Variants in WDR18 observed in about 807,000 individuals in gnomAD.
The protein encoded by WDR18 is WD repeat domain 18.
In WDR18, 33 loss-of-function variants were observed where a neutral mutation model predicts 49.6. The ratio of observed to expected loss-of-function variants is 0.67; its 90% CI spans 0.50 to 0.89. The LOEUF is 0.89. Ranked by LOEUF, WDR18 falls within the 40% of genes least tolerant of loss-of-function variation. The pLI is 0.00. For missense variants in WDR18, 653 were observed against 593.6 expected (o/e 1.10, Z -1.04); for synonymous variants, 315 against 263.6 (o/e 1.19, Z -1.89).
At chr19:986,397 G>T (rs1372148426) in intron 2 of WDR18, among the ~76,000 whole-genome samples, 7 of 152,202 alleles carry the variant, frequency 4.6e-5, no homozygotes, top group Non-Finnish European at 7.3e-5. Flanking sequence ...AGTCTCCTGA[G>T]TAGCTGGGAT....
At chr19:986,249 TA>T (rs2038473567) in intron 2 of WDR18, among the ~76,000 whole-genome samples, 1 of 152,202 alleles carries the variant, frequency 6.6e-6, no homozygotes, top group Non-Finnish European at 1.5e-5. Context: ...CTTCCAGGGC[TA>T]GCGGGCATCT....
At position 991,980 on chromosome 19, in the gene WDR18, G is replaced by T. The variant is rs375221453; in HGVS notation, c.957G>T (p.Leu319=). 5.6e-5 allele frequency: 89 copies of T among 1,594,382 alleles called. No individual in the cohort carries two copies. The highest frequency in any genetic ancestry group is 5.0e-4 in the African/African-American group (37 of 73,430). Residue 319 remains leucine (L), a synonymous_variant, in exon 8 of 10, where the codon CTG becomes CTT. Coordinates refer to ENST00000585809, the MANE Select transcript of WDR18 (RefSeq NM_024100.4). ...GCCCAGTCACCAATGCCGCCATCCT[G>T]CTGGCGCCCGTCAGCATGCTGAGCT... The part of the protein sequence containing the change: ...LKGPVTNAAI[L]LAPVSMLSSD...
chr19:994,368 C>T lies in WDR18; in HGVS notation c.*24C>T, dbSNP rs759696981. 21 of 1,592,458 alleles carry T rather than the reference C, an allele frequency of 1.3e-5. No individual in the cohort carries two copies. Among genetic ancestry groups the T allele is most frequent in the Non-Finnish European group, 1.8e-5 (21 of 1,171,976 alleles). ...GAGGCCCGGAGACCCCGGCCCGAGG[C>T]GCCCAGGCCTGAGCCCCATGCCTCC... is the stretch of plus-strand genomic sequence containing the variant. On this transcript the variant is annotated 3_prime_UTR_variant, in exon 10 of 10. Transcript: ENST00000585809.
intron 7 of WDR18, 82 bp from the exon 8 acceptor site, chr19:991,873 G>A: frequency 3.7e-6 from 5 of 1,366,070 alleles, no homozygotes; most frequent in Non-Finnish European, 4.7e-6. Flanking sequence ...GGCGGGGACT[G>A]CCCTGGATGG....
intron 8 of WDR18, 54 bp from the exon 9 acceptor site, chr19:993,966 C>T: frequency 3.3e-6 from 5 of 1,538,130 alleles, no homozygotes; most frequent in East Asian, 2.4e-5. Flanking sequence ...ATGGGCAAAG[C>T]GTGTGGTGTG....
upstream of WDR18, among the ~76,000 whole-genome samples, chr19:982,950 C>G (rs1033034355): frequency 6.6e-6 from 1 of 152,142 alleles, no homozygotes; most frequent in Non-Finnish European, 1.5e-5. Flanking sequence ...CCGTGCCCTC[C>G]GCCGGGAGCC....
intron 8 of WDR18, among the ~76,000 whole-genome samples, chr19:993,476 C>T (rs2038587230): frequency 6.6e-6 from 1 of 152,266 alleles, no homozygotes; most frequent in African/African-American, 2.4e-5. Flanking sequence ...ATCCAGCTGA[C>T]ACTGGAATGT....
chr19:988,886 T>C (rs1027671032), intron 2 of WDR18, among the ~76,000 whole-genome samples: 2 of 152,216 alleles, frequency 1.3e-5, no homozygotes, highest in East Asian at 1.9e-4. Flanking sequence ...TCTTAACTTA[T>C]GATATGTGCA....
chr19:987,829 GTTTT>G (rs71174337), intron 2 of WDR18, among the ~76,000 whole-genome samples: 7 of 91,806 alleles, frequency 7.6e-5, no homozygotes, highest in South Asian at 9.0e-4. Flanking sequence ...GCCGCCTCCA[GTTTT>G]TTTTTTTTTT....
At chr19:984,319 T>A, upstream of WDR18, 1 of 1,525,590 alleles carries the variant, frequency 6.6e-7, no homozygotes, top group Non-Finnish European at 8.8e-7. Flanking sequence ...GTCTCGCTCA[T>A]GATGACGCAC....
chr19:990,152 G>T, intron 3 of WDR18, 71 bp from the exon 4 acceptor site: 2 of 1,486,314 alleles, frequency 1.3e-6, no homozygotes, highest in South Asian at 1.3e-5. Context: ...GCGTGAGGTG[G>T]GTGCTGGAGG....
intron 1 of WDR18, 67 bp downstream of exon 1, chr19:984,630 G>T: frequency 7.4e-7 from 1 of 1,353,846 alleles, no homozygotes; most frequent in South Asian, 1.6e-5. Flanking sequence ...GGATGGGTTG[G>T]TGGGGGCCGC....
chr19:990,476 C>A, intron 4 of WDR18, 112 bp downstream of exon 4: 2 of 1,370,378 alleles, frequency 1.5e-6, no homozygotes, highest in Non-Finnish European at 1.9e-6. Context: ...GGACTCCAGA[C>A]GGCTTTTAAT....
Position 994,102 on chromosome 19 carries a change from C to A in WDR18, c.1167+14C>A, listed in dbSNP as rs73918298. The A allele has an allele frequency of 4.9e-3, 7,603 of 1,543,834 alleles. 304 individuals carry two copies. In the African/African-American group the frequency reaches 0.09, roughly 18 times the overall value. The stretch of plus-strand genomic sequence containing the variant: ...ACCATGGAGAAGGTGGGCGGGGCCT[C>A]GGGAGGGGCGGGGCCTGAGGCTGGG... On this transcript the variant is annotated intron_variant, in intron 9 of 9. Transcript: ENST00000585809.
At chr19:993,204 G>C (rs1042225317) in intron 8 of WDR18, among the ~76,000 whole-genome samples, 5 of 152,348 alleles carry the variant, frequency 3.3e-5, no homozygotes, top group South Asian at 2.1e-4. Context: ...CGGAACTTTC[G>C]GAGTGAAAAC....
At chr19:988,855 C>T (rs981538146) in intron 2 of WDR18, among the ~76,000 whole-genome samples, 7 of 152,138 alleles carry the variant, frequency 4.6e-5, no homozygotes, top group African/African-American at 1.7e-4. Context: ...GGATGGATGC[C>T]CCCGCTCCAG....
At position 990,437 on chromosome 19, in the gene WDR18, G is replaced by A. The variant is rs539445550; in HGVS notation, c.597+73G>A. On this transcript the variant is annotated intron_variant, in intron 4 of 9. Coordinates refer to ENST00000585809, the MANE Select transcript of WDR18 (RefSeq NM_024100.4). ...CGCAGGTCCTCAGCCAGGAATGCAG[G>A]AATCGCCTCCTCCCGCTCCCTGCTG... 14 of 1,448,162 alleles carry A rather than the reference G, an allele frequency of 9.7e-6. No homozygotes were observed. The African/African-American group carries it at 1.9e-4, about 19-fold the overall frequency. 89.7% of individuals were successfully genotyped at this position (1,448,162 alleles called of 1,614,324 possible). A position where few individuals can be genotyped will look rare whatever the true frequency, so the allele number is the denominator to read the frequency against.
At position 991,227 on chromosome 19, in the gene WDR18, G is replaced by A. The variant is rs756551494; in HGVS notation, c.807G>A (p.Arg269=). The A allele has an allele frequency of 6.4e-6, 10 of 1,573,928 alleles. No individual in the cohort carries two copies. The highest frequency in any genetic ancestry group is 5.8e-5 in the South Asian group (5 of 86,822). Residue 269 remains arginine, a splice_region_variant and synonymous_variant, in exon 7 of 10, where the codon AGG becomes AGA. Transcript: ENST00000585809. ...QDAGKVFKGH[R]NQVTCLSVST... is the part of the protein sequence containing the mutation. Reference sequence around the variant, plus strand: ...AGGTGACCCCTGTCTGTCTGTCCAGGAACCAGGTGACTTGCCTGTCAGTGT... The same window carrying A: ...AGGTGACCCCTGTCTGTCTGTCCAGAAACCAGGTGACTTGCCTGTCAGTGT...
At chr19:985,605 T>C (rs1169994379) in intron 1 of WDR18, among the ~76,000 whole-genome samples, 5 of 152,160 alleles carry the variant, frequency 3.3e-5, no homozygotes. Context: ...GTTCTGTTCC[T>C]GTACTCCTCC....
Sources: gnomAD v4.1 joint callset for allele counts (sites outside exome capture counted in the v4.1 genomes callset) on GRCh38, gnomAD v4.1.1 for gene constraint, MANE v1.5 for transcripts, NCBI Gene and HGNC (gene_info 2026-07-23, HGNC 2026-07-21) for gene names.